The following EFCAB11 variants were observed in gnomAD, a reference collection of about 807,000 sequenced individuals.
EFCAB11 encodes the protein EF-hand calcium binding domain 11, also known as EF-hand calcium-binding domain-containing protein 11.
A neutral mutation model predicts 23.0 loss-of-function variants in EFCAB11; 14 were observed. The ratio of observed to expected loss-of-function variants is 0.61; its 90% CI spans 0.40 to 0.95. EFCAB11 has a LOEUF of 0.95. EFCAB11 is among the 40% of genes least tolerant of loss of function. The probability of loss-of-function intolerance (pLI) is 0.00; values close to 1 mark genes in which losing one functional copy is unlikely to be tolerated. For missense variants in EFCAB11, 198 were observed against 195.8 expected (o/e 1.01, Z -0.07); for synonymous variants, 65 against 66.6 (o/e 0.98, Z 0.11).
intron 5 of EFCAB11, among the ~76,000 whole-genome samples, chr14:89,921,146 TGTGGATGGGGTA>T (rs1012070949): frequency 1.1e-4 from 17 of 150,546 alleles, no homozygotes; most frequent in African/African-American, 4.2e-4. Flanking sequence ...CATTCAGATA[TGTGGATGGGGTA>T]GTGGGAGGAA....
chr14:89,802,883 A>G (rs1885833742), intron 5 of EFCAB11, among the ~76,000 whole-genome samples: 1 of 152,240 alleles, frequency 6.6e-6, no homozygotes, highest in South Asian at 2.1e-4. Context: ...TTTTCCAAAC[A>G]ATTGGCCTTA....
intron 5 of EFCAB11, among the ~76,000 whole-genome samples, chr14:89,887,893 G>A (rs996049175): frequency 6.6e-6 from 1 of 152,010 alleles, no homozygotes; most frequent in Admixed American, 6.6e-5. Flanking sequence ...TCTTGGAAAT[G>A]GATATAGCAA....
chr14:89,889,110 T>C (rs896877769), intron 5 of EFCAB11, among the ~76,000 whole-genome samples: 8 of 152,186 alleles, frequency 5.3e-5, no homozygotes, highest in African/African-American at 1.9e-4. Flanking sequence ...ATTAGAATGA[T>C]TTTTCAAATC....
At chr14:89,941,046 C>T (rs1022743780) in intron 3 of EFCAB11, among the ~76,000 whole-genome samples, 1 of 152,172 alleles carries the variant, frequency 6.6e-6, no homozygotes, top group African/African-American at 2.4e-5. Flanking sequence ...GATGAAGCAA[C>T]AGCCTTACAA....
At chr14:89,871,822 C>G (rs181070822) in intron 5 of EFCAB11, among the ~76,000 whole-genome samples, 2 of 152,204 alleles carry the variant, frequency 1.3e-5, no homozygotes, top group Admixed American at 6.5e-5. Flanking sequence ...GTACTGACAT[C>G]GTACAATCTG....
intron 2 of EFCAB11, 73 bp downstream of exon 2, chr14:89,953,833 C>A: frequency 8.0e-7 from 1 of 1,253,088 alleles, no homozygotes; most frequent in African/African-American, 1.5e-5. Context: ...CTAAGCTAGC[C>A]CTGTGAACTT....
At chr14:89,853,884 T>G (rs1408867910) in intron 5 of EFCAB11, among the ~76,000 whole-genome samples, 2 of 152,110 alleles carry the variant, frequency 1.3e-5, no homozygotes, top group Non-Finnish European at 2.9e-5. Flanking sequence ...AGGAAAGAAC[T>G]GAAGTCAGAC....
rs748960938 is a variant in EFCAB11, at chr14:89,797,343, A to C, written c.411-19T>G. 7 of 1,608,706 alleles carry C rather than the reference A, an allele frequency of 4.4e-6. No individual in the cohort carries two copies. The highest frequency in any genetic ancestry group is 1.7e-4 in the Middle Eastern group (1 of 6,040). ...TACTTCCCTGGAAAATGAAACAAAA[A>C]GTCATTTACACATTATTCTCGTTAA... is the stretch of plus-strand genomic sequence containing the variant. On this transcript the variant is annotated intron_variant, in intron 5 of 5. Transcript: ENST00000316738.
chr14:89,947,755 T>C (rs534335516), intron 3 of EFCAB11, among the ~76,000 whole-genome samples: 1 of 152,308 alleles, frequency 6.6e-6, no homozygotes, highest in East Asian at 1.9e-4. Flanking sequence ...TCCACCTGAC[T>C]TCTACTGGCT....
chr14:89,850,585 A>C (rs1887573182), intron 5 of EFCAB11, among the ~76,000 whole-genome samples: 1 of 152,164 alleles, frequency 6.6e-6, no homozygotes, highest in Non-Finnish European at 1.5e-5. Flanking sequence ...ATGATTAAAA[A>C]CTTGGGAAAC....
At chr14:89,799,416 CAG>C (rs1885693325) in intron 5 of EFCAB11, 1 of 152,074 alleles carries the variant, frequency 6.6e-6, no homozygotes, top group Non-Finnish European at 1.5e-5. Context: ...TCATTGCAGA[CAG>C]AATTATTCTG....
At chr14:89,826,157 T>C (rs1005776409) in intron 5 of EFCAB11, among the ~76,000 whole-genome samples, 5 of 152,176 alleles carry the variant, frequency 3.3e-5, no homozygotes, top group Admixed American at 1.3e-4. Context: ...TCTTGATTAA[T>C]TGACCCTGTT....
At chr14:89,835,781 C>T (rs548336604) in intron 5 of EFCAB11, among the ~76,000 whole-genome samples, 9 of 152,166 alleles carry the variant, frequency 5.9e-5, no homozygotes, top group Admixed American at 2.6e-4. Flanking sequence ...GTGTCCACCA[C>T]CACGCCCAGC....
intron 5 of EFCAB11, among the ~76,000 whole-genome samples, chr14:89,902,668 T>A (rs976812739): frequency 4.6e-5 from 7 of 152,206 alleles, no homozygotes; most frequent in African/African-American, 1.7e-4. Flanking sequence ...AATTAGATTA[T>A]TAACACTTAA....
In EFCAB11 at chr14:89,917,602, A is replaced by T. The variant is rs918953570; in HGVS notation, c.410+13939T>A. Among the ~76,000 whole-genome samples, 4 of 152,162 alleles carry T rather than the reference A, an allele frequency of 2.6e-5. No individual in the cohort carries two copies. In the East Asian group the frequency reaches 7.7e-4, roughly 29 times the overall value. On this transcript the variant is annotated intron_variant, in intron 5 of 5. Coordinates refer to ENST00000316738, the MANE Select transcript of EFCAB11 (RefSeq NM_145231.4). The stretch of plus-strand genomic sequence containing the variant: ...ACCTGTAAATTCAGTCTACTCCATC[A>T]TTATCATTACTAGGCAGTGGCATTT...
intron 5 of EFCAB11, among the ~76,000 whole-genome samples, chr14:89,930,586 G>GATTTGACTGCTGAAACTTAAT: frequency 1.3e-5 from 2 of 152,274 alleles, no homozygotes; most frequent in South Asian, 4.1e-4. Context: ...CTGGAATTCA[G>GATTTGACTGCTGAAACTTAAT]ATTTGACTGC....
intron 5 of EFCAB11, among the ~76,000 whole-genome samples, chr14:89,906,208 T>C (rs1023630577): frequency 6.6e-6 from 1 of 151,152 alleles, no homozygotes. Context: ...AATAAATAAA[T>C]AAATAAATAA....
Position 89,832,863 on chromosome 14 carries a change from G to A in EFCAB11, c.411-35539C>T, listed in dbSNP as rs368202402. Among the ~76,000 whole-genome samples the A allele has an allele frequency of 8.0e-4, 122 of 152,136 alleles. 1 individual carries two copies. In the South Asian group the frequency reaches 0.025, roughly 31 times the overall value. ...CCTATCTCTTCAACACCACTGTAAC[G>A]CTGAACCATCCTAAAAGTCACGGAC... On this transcript the variant is annotated intron_variant, in intron 5 of 5. Coordinates refer to ENST00000316738, the MANE Select transcript of EFCAB11 (RefSeq NM_145231.4).
At chr14:89,891,858 A>G (rs529072783) in intron 5 of EFCAB11, among the ~76,000 whole-genome samples, 11 of 152,100 alleles carry the variant, frequency 7.2e-5, no homozygotes, top group African/African-American at 2.6e-4. Context: ...GCGGTGGGCA[A>G]GACGTCGCTG....
Sources: allele counts gnomAD v4.1 joint callset (sites outside exome capture counted in the v4.1 genomes callset), GRCh38; gene constraint gnomAD v4.1.1; transcripts MANE v1.5; gene names NCBI Gene and HGNC (gene_info 2026-07-23, HGNC 2026-07-21).